ZNF423: variants seen among roughly 807,000 people sequenced by gnomAD.
ZNF423 encodes Ebf-associated zinc finger protein.
In ZNF423, 12 loss-of-function variants were observed where a neutral mutation model predicts 95.8. The ratio of observed to expected loss-of-function variants is 0.13; its 90% CI spans 0.08 to 0.20. The LOEUF is 0.20. Among genes scored for constraint, ZNF423 ranks in the 10% least tolerant of loss-of-function variants. The probability of loss-of-function intolerance (pLI) is 1.00; values close to 1 mark genes in which losing one functional copy is unlikely to be tolerated. For synonymous variants in ZNF423, 749 were observed against 711.9 expected (o/e 1.05, Z -0.83); for missense variants, 1,316 against 1,737.1 (o/e 0.76, Z 4.31).
intron 2 of ZNF423, among the ~76,000 whole-genome samples, chr16:49,732,254 C>G (rs2143405870): frequency 6.6e-6 from 1 of 152,268 alleles, no homozygotes; most frequent in Middle Eastern, 3.4e-3. Context: ...GGAGCACAGC[C>G]CCAATCTTAC....
chr16:49,509,358 C>G (rs1238756889), intron 7 of ZNF423, among the ~76,000 whole-genome samples: 1 of 152,164 alleles, frequency 6.6e-6, no homozygotes. Context: ...CGGACAAGCC[C>G]CAGTCCGTCC....
intron 1 of ZNF423, among the ~76,000 whole-genome samples, chr16:49,802,529 T>C (rs1242278025): frequency 6.6e-6 from 1 of 152,204 alleles, no homozygotes; most frequent in Non-Finnish European, 1.5e-5. Flanking sequence ...AGGACACTGC[T>C]GAGCAGAATA....
chr16:49,652,655 G>A (rs1046468478), intron 3 of ZNF423, among the ~76,000 whole-genome samples: 1 of 152,232 alleles, frequency 6.6e-6, no homozygotes, highest in Admixed American at 6.5e-5. Context: ...TGAGCAAAGG[G>A]CGCTCTGCTC....
In ZNF423 at chr16:49,555,113, A is replaced by G. The variant is rs894602999; in HGVS notation, c.3602-29619T>C. Among the ~76,000 whole-genome samples, 12 of 152,222 alleles carry G rather than the reference A, an allele frequency of 7.9e-5. No individual in the cohort carries two copies. In the South Asian group the frequency reaches 8.3e-4, roughly 11 times the overall value. On this transcript the variant is annotated intron_variant, in intron 5 of 7. Coordinates refer to ENST00000563137, the MANE Select transcript of ZNF423 (RefSeq NM_001379286.1). ...AAAAATTAAGAGACCTCATGGACAC[A>G]TATTAAACACACCTACATCAAAAAC...
intron 2 of ZNF423, among the ~76,000 whole-genome samples, chr16:49,733,084 G>A (rs2033206702): frequency 6.6e-6 from 1 of 152,124 alleles, no homozygotes; most frequent in Non-Finnish European, 1.5e-5. Context: ...CTGCAGTGAG[G>A]GTAAGAAATA....
chr16:49,570,565 C>A (rs1002456922), intron 5 of ZNF423, among the ~76,000 whole-genome samples: 3 of 152,142 alleles, frequency 2.0e-5, no homozygotes, highest in Admixed American at 6.5e-5. Flanking sequence ...AAACAGTTTG[C>A]TATAATTTGC....
At chr16:49,692,460 G>A (rs1230812624) in intron 3 of ZNF423, among the ~76,000 whole-genome samples, 4 of 152,160 alleles carry the variant, frequency 2.6e-5, no homozygotes, top group Admixed American at 6.5e-5. Context: ...CCAAACTGAC[G>A]TGGGACGAGG....
chr16:49,756,388 G>A (rs932394993), intron 2 of ZNF423, among the ~76,000 whole-genome samples: 3 of 152,142 alleles, frequency 2.0e-5, no homozygotes, highest in Non-Finnish European at 4.4e-5. Flanking sequence ...GTTAGGCAAT[G>A]ACAAAATACA....
chr16:49,677,311 A>AGAAG (rs2031134331), intron 3 of ZNF423, among the ~76,000 whole-genome samples: 4 of 9,742 alleles, frequency 4.1e-4, no homozygotes, highest in East Asian at 7.1e-3. Flanking sequence ...GAGAAGAGAA[A>AGAAG]GGAGGGGAAG....
At chr16:49,574,381 A>G (rs1216975471) in intron 5 of ZNF423, among the ~76,000 whole-genome samples, 1 of 152,206 alleles carries the variant, frequency 6.6e-6, no homozygotes, top group Non-Finnish European at 1.5e-5. Flanking sequence ...CTGTCTCTAA[A>G]AAGACAAAAC....
chr16:49,729,591 G>A (rs192546564), intron 3 of ZNF423, among the ~76,000 whole-genome samples: 23 of 151,452 alleles, frequency 1.5e-4, no homozygotes, highest in African/African-American at 4.1e-4. Context: ...ACTGGGGTTT[G>A]GATTACTGGG....
chr16:49,798,294 G>A lies in ZNF423; in HGVS notation c.41-8748C>T, dbSNP rs575715368. Among the ~76,000 whole-genome samples the A allele has an allele frequency of 3.1e-3, 465 of 152,272 alleles. 1 individual carries two copies. Among genetic ancestry groups the A allele is most frequent in the African/African-American group, 0.011 (438 of 41,554 alleles). ...AGGCTGAGGTGGGCAGATGGCTTGA[G>A]CTCAGGAGTTTGAGACCAACCTGGC... On this transcript the variant is annotated intron_variant, in intron 1 of 7. Transcript: ENST00000563137.
chr16:49,829,362 G>A (rs1423114565), intron 1 of ZNF423, among the ~76,000 whole-genome samples: 1 of 152,194 alleles, frequency 6.6e-6, no homozygotes, highest in African/African-American at 2.4e-5. Context: ...CAGTGTAAAC[G>A]AGCCCTCCTT....
chr16:49,730,445 C>T (rs1047619452), intron 3 of ZNF423: 3 of 376,706 alleles, frequency 8.0e-6, no homozygotes, highest in Non-Finnish European at 9.8e-6. Context: ...CTAACAACCT[C>T]TTAATTACTG....
intron 5 of ZNF423, among the ~76,000 whole-genome samples, chr16:49,597,885 T>C (rs1358731445): frequency 2.6e-5 from 4 of 152,210 alleles, no homozygotes; most frequent in Non-Finnish European, 5.9e-5. Flanking sequence ...CTGGCCTTGT[T>C]CATTCCTCAG....
At chr16:49,624,388 TA>T (rs1174985525) in intron 5 of ZNF423, among the ~76,000 whole-genome samples, 1 of 151,916 alleles carries the variant, frequency 6.6e-6, no homozygotes, top group East Asian at 1.9e-4. Flanking sequence ...CTGTCTCTAC[TA>T]AAAGTACAAA....
At chr16:49,753,986 G>C (rs1413824246) in intron 2 of ZNF423, among the ~76,000 whole-genome samples, 2 of 150,816 alleles carry the variant, frequency 1.3e-5, no homozygotes, top group Admixed American at 6.6e-5. Context: ...AGCTGAGATT[G>C]CGCCACTACA....
chr16:49,539,796 C>T (rs1969186656), intron 5 of ZNF423, among the ~76,000 whole-genome samples: 1 of 151,628 alleles, frequency 6.6e-6, no homozygotes, highest in African/African-American at 2.4e-5. Context: ...GCCCAGAAAT[C>T]CTAAAAAAAA....
intron 5 of ZNF423, among the ~76,000 whole-genome samples, chr16:49,620,655 G>C (rs1002764815): frequency 6.6e-6 from 1 of 152,122 alleles, no homozygotes; most frequent in Non-Finnish European, 1.5e-5. Context: ...CCTCCCCGGG[G>C]CTCCCCCAAG....
Sources: allele counts gnomAD v4.1 joint callset (sites outside exome capture counted in the v4.1 genomes callset), GRCh38; gene constraint gnomAD v4.1.1; transcripts MANE v1.5; gene names NCBI Gene and HGNC (gene_info 2026-07-23, HGNC 2026-07-21).